Variants in PLXNA4 observed in about 807,000 individuals in gnomAD.
PLXNA4 encodes the protein plexin-A4.
Under a neutral mutation model 191.8 loss-of-function variants are expected in PLXNA4, and 44 were observed. The observed-to-expected ratio is 0.23, with a 90% CI of 0.18 to 0.29. PLXNA4 has a LOEUF of 0.29. PLXNA4 is among the 10% of genes least tolerant of loss of function. The probability of loss-of-function intolerance (pLI) is 1.00; values close to 1 mark genes in which losing one functional copy is unlikely to be tolerated. For synonymous variants in PLXNA4, 1,082 were observed against 1,009.5 expected (o/e 1.07, Z -1.36); for missense variants, 1,800 against 2,488.8 (o/e 0.72, Z 5.89).
At chr7:132,609,725 G>C (rs1323045254) in intron 2 of PLXNA4, among the ~76,000 whole-genome samples, 7 of 152,196 alleles carry the variant, frequency 4.6e-5, no homozygotes, top group Admixed American at 2.0e-4. Context: ...GCTAAGATTT[G>C]AACCTCTGGC....
In PLXNA4 at chr7:132,165,827, C is replaced by T. The variant is rs73725836; in HGVS notation, c.4287-627G>A. The stretch of plus-strand genomic sequence containing the variant: ...GAAGGTCAGATGGCCAAACTGAGTC[C>T]ACAGCCTCAGCTAAAGGCTCCCAGC... On this transcript the variant is annotated intron_variant, in intron 22 of 31. Coordinates refer to ENST00000321063, the MANE Select transcript of PLXNA4 (RefSeq NM_020911.2). Among the ~76,000 whole-genome samples, 1,496 of 152,190 alleles carry T rather than the reference C, an allele frequency of 9.8e-3. 32 individuals are homozygous for T. Among genetic ancestry groups the T allele is most frequent in the African/African-American group, 0.034 (1,414 of 41,518 alleles).
At chr7:132,284,904 G>T (rs1215315476) in intron 4 of PLXNA4, among the ~76,000 whole-genome samples, 2 of 151,960 alleles carry the variant, frequency 1.3e-5, no homozygotes, top group African/African-American at 4.8e-5. Flanking sequence ...TAGTAGAGAT[G>T]GAGTTTCACC....
rs756860928 is a variant in PLXNA4, at chr7:132,210,963, C to T, written c.2278G>A (p.Val760Ile). Residue 760 changes from valine (V) to isoleucine (I), a missense_variant, in exon 10 of 32, where the codon GTA (valine) becomes ATA (isoleucine). Physicochemically the swap from Val to Ile is conservative, Grantham distance 29 (BLOSUM62 3). Coordinates refer to ENST00000321063, the MANE Select transcript of PLXNA4 (RefSeq NM_020911.2). Reference protein sequence around the residue: ...VPALRFNSSSVQCQNTSYSYE... With the variant: ...VPALRFNSSSIQCQNTSYSYE... ...CTCACAGAGGTGTTCTGGCACTGTA[C>T]GCTGGAGCTGTTGAAGCGCAGGGCG... is the stretch of plus-strand genomic sequence containing the variant. 7 of 1,612,460 alleles carry T rather than the reference C, an allele frequency of 4.3e-6. No individual in the cohort carries two copies. The Admixed American group carries it at 8.3e-5, about 19-fold the overall frequency.
Position 132,335,872 on chromosome 7 carries a change from T to C in PLXNA4, c.1372-37650A>G, listed in dbSNP as rs141349478. On this transcript the variant is annotated intron_variant, in intron 3 of 31. Transcript: ENST00000321063. ...ACCTTGTCTCAAGACCTTTTTCCCA[T>C]TCTAGGAGGGAAGTGGGGGCCTGCT... 2.6e-3 allele frequency among the ~76,000 whole-genome samples: 401 copies of C among 152,310 alleles called. 1 individual carries two copies. The highest frequency in any genetic ancestry group is 6.8e-3 in the Middle Eastern group (2 of 294).
chr7:132,582,695 T>C (rs1277286326), intron 2 of PLXNA4, among the ~76,000 whole-genome samples: 2 of 152,212 alleles, frequency 1.3e-5, no homozygotes, highest in Admixed American at 1.3e-4. Flanking sequence ...AGTTTCCAAC[T>C]GAGGTCCCAG....
chr7:132,588,813 AAG>A (rs1478115360), intron 2 of PLXNA4, among the ~76,000 whole-genome samples: 1 of 150,564 alleles, frequency 6.6e-6, no homozygotes, highest in Non-Finnish European at 1.5e-5. Flanking sequence ...AAGAAAGAAA[AAG>A]AAAGAAAGAG....
At chr7:132,533,469 AT>A (rs1799706342) in intron 1 of PLXNA4, among the ~76,000 whole-genome samples, 1 of 152,152 alleles carries the variant, frequency 6.6e-6, no homozygotes. Context: ...CCTTAGCCCA[AT>A]TTTCCAACCC....
chr7:132,157,833 G>A (rs981963369), intron 25 of PLXNA4, among the ~76,000 whole-genome samples: 5 of 152,194 alleles, frequency 3.3e-5, no homozygotes, highest in Admixed American at 6.5e-5. Flanking sequence ...TTGTTTGGAC[G>A]TGGGGAACAC....
intron 3 of PLXNA4, chr7:132,384,412 T>G (rs1223708670): frequency 1.0e-6 from 1 of 985,360 alleles, no homozygotes; most frequent in African/African-American, 1.7e-5. Flanking sequence ...GCCACTCACC[T>G]CCTCCTCCCC....
At position 132,179,851 on chromosome 7, in the gene PLXNA4, G is replaced by A; in HGVS notation, c.3710C>T (p.Pro1237Leu). 1 of 1,613,538 alleles carries A rather than the reference G, an allele frequency of 6.2e-7. No homozygotes were observed. The highest frequency in any genetic ancestry group is 8.5e-7 in the Non-Finnish European group (1 of 1,179,968). The change falls in exon 20 of 32, where the codon CCC becomes CTC. Residue 1237 changes from proline to leucine, a missense_variant. Coordinates refer to ENST00000321063, the MANE Select transcript of PLXNA4 (RefSeq NM_020911.2). The stretch of plus-strand genomic sequence containing the variant: ...AGCCACTGCGATGCTGACGATGGCG[G>A]GCAGGCTGAGCGGGCTGTCCGGGGC... Reference protein sequence around the residue: ...YIAPDSPLSLPAIVSIAVAGG... With the variant: ...YIAPDSPLSLLAIVSIAVAGG...
At chr7:132,441,480 T>A (rs569897417) in intron 3 of PLXNA4, among the ~76,000 whole-genome samples, 2 of 152,158 alleles carry the variant, frequency 1.3e-5, no homozygotes, top group African/African-American at 4.8e-5. Context: ...AACAACAAAA[T>A]TCTCTTAACC....
At chr7:132,453,423 A>G (rs1796200797) in intron 3 of PLXNA4, among the ~76,000 whole-genome samples, 1 of 152,170 alleles carries the variant, frequency 6.6e-6, no homozygotes. Flanking sequence ...CTATTGACTC[A>G]GAAACTATAG....
rs540694040 is a variant in PLXNA4 at position 132,319,825 on chromosome 7, G to A, written c.1372-21603C>T. ...CCAGCCATGGGGCTTTGCTGGAGCC[G>A]TGCACGGCAGTACCATGCTTCCCCA... On this transcript the variant is annotated intron_variant, in intron 3 of 31. Transcript: ENST00000321063. Among the ~76,000 whole-genome samples the A allele has an allele frequency of 3.3e-5, 5 of 152,292 alleles. No homozygotes were observed. In the East Asian group the frequency reaches 5.8e-4, roughly 18 times the overall value.
At position 132,370,052 on chromosome 7, in the gene PLXNA4, A is replaced by C. The variant is rs551409701; in HGVS notation, c.1372-71830T>G. 4.5e-4 allele frequency among the ~76,000 whole-genome samples: 63 copies of C among 140,822 alleles called. No individual in the cohort carries two copies. In the South Asian group the frequency reaches 0.013, roughly 30 times the overall value. The allele number at this position is 140,822 out of a possible 152,430, so 92.4% of individuals were successfully genotyped here. A position where few individuals can be genotyped will look rare whatever the true frequency, so the allele number is the denominator to read the frequency against. ...CACTGCACTCCAGCCTGAGCGACAG[A>C]GTGAGACTCTGACTCAAAAAAAAAA... is the stretch of plus-strand genomic sequence containing the variant. On this transcript the variant is annotated intron_variant, in intron 3 of 31. Transcript: ENST00000321063.
At position 132,624,838 on chromosome 7, in the gene PLXNA4, C is replaced by T. The variant is rs531518060; in HGVS notation, c.-87+21090G>A. 5.3e-5 allele frequency among the ~76,000 whole-genome samples: 8 copies of T among 152,268 alleles called. No homozygotes were observed. The East Asian group carries it at 1.4e-3, about 26-fold the overall frequency. ...CCATAAATCTCAAAAGCTCACCTAC[C>T]TCTAAGTCAGTCCTCAAGCCTGAAC... On this transcript the variant is annotated intron_variant, in intron 2 of 4. Coordinates refer to the PLXNA4 transcript ENST00000378539.
intron 21 of PLXNA4, among the ~76,000 whole-genome samples, chr7:132,171,598 G>T (rs1316179038): frequency 1.3e-5 from 2 of 152,182 alleles, no homozygotes; most frequent in African/African-American, 4.8e-5. Context: ...TAGCACACTT[G>T]GTGTGAGGAT....
chr7:132,399,987 G>T (rs17820490), intron 3 of PLXNA4, among the ~76,000 whole-genome samples: 6,882 of 152,032 alleles, frequency 0.045, 200 homozygotes, highest in Non-Finnish European at 0.065. Flanking sequence ...GTGATCAGAT[G>T]GTCCCATACC....
chr7:132,563,964 CTT>C (rs1801556126), intron 1 of PLXNA4, among the ~76,000 whole-genome samples: 1 of 98,926 alleles, frequency 1.0e-5, no homozygotes, highest in Non-Finnish European at 2.1e-5. Context: ...CCTCCCCATT[CTT>C]TCTCCTCCTC....
At chr7:132,273,506 G>A (rs1236966927) in intron 4 of PLXNA4, among the ~76,000 whole-genome samples, 1 of 152,148 alleles carries the variant, frequency 6.6e-6, no homozygotes, top group East Asian at 1.9e-4. Context: ...GAATATAAGG[G>A]AAGCTATATT....
Sources: gnomAD v4.1 joint callset for allele counts (sites outside exome capture counted in the v4.1 genomes callset) on GRCh38, gnomAD v4.1.1 for gene constraint, MANE v1.5 for transcripts, NCBI Gene and HGNC (gene_info 2026-07-23, HGNC 2026-07-21) for gene names.